Variants in ZC3H12B observed in about 807,000 individuals in gnomAD.
ZC3H12B encodes the protein probable ribonuclease ZC3H12B.
Under a neutral mutation model 43.9 loss-of-function variants are expected in ZC3H12B, and 7 were observed. The ratio of observed to expected loss-of-function variants is 0.16; its 90% CI spans 0.09 to 0.30. The LOEUF (loss-of-function observed/expected upper bound fraction) is 0.30. ZC3H12B is among the 10% of genes least tolerant of loss of function. The pLI is 1.00. For synonymous variants in ZC3H12B, 222 were observed against 241.7 expected, an observed-to-expected ratio of 0.92 and a Z score of 0.76; for missense variants, 475 against 670.2, an observed-to-expected ratio of 0.71 and a Z score of 3.22.
the ZC3H12B span, among the ~76,000 whole-genome samples, chrX:65,344,009 A>G: frequency 3.6e-5 from 4 of 112,294 alleles, no homozygotes; most frequent in Admixed American, 9.4e-5. Context: ...TGATGTAAAA[A>G]ATAACTAGAA....
chrX:65,132,107 T>A, the ZC3H12B span, among the ~76,000 whole-genome samples: 1 of 110,405 alleles, frequency 9.1e-6, no homozygotes, highest in African/African-American at 3.3e-5. Context: ...ATGAGGGGTG[T>A]AGGGGAATAG....
intron 3 of ZC3H12B, among the ~76,000 whole-genome samples, chrX:65,419,241 C>T (rs778374682): frequency 4.5e-5 from 5 of 112,084 alleles, no homozygotes; most frequent in Admixed American, 9.4e-5. Flanking sequence ...ATTAGAACTG[C>T]CTCTATCTAG....
chrX:65,066,462 CCAT>C, the ZC3H12B span, among the ~76,000 whole-genome samples: 3 of 111,827 alleles, frequency 2.7e-5, no homozygotes, highest in African/African-American at 9.8e-5. Context: ...CTGGGTATCA[CCAT>C]CGAGGCTGTA....
chrX:65,072,119 C>T, the ZC3H12B span, among the ~76,000 whole-genome samples: 1 of 111,980 alleles, frequency 8.9e-6, no homozygotes, highest in South Asian at 3.7e-4. Context: ...TACGTAATCT[C>T]ATATTTCTCA....
chrX:65,171,570 G>A, the ZC3H12B span, among the ~76,000 whole-genome samples: 3 of 111,608 alleles, frequency 2.7e-5, no homozygotes, highest in African/African-American at 6.5e-5. Flanking sequence ...CTTCAAAGCT[G>A]TCAGGCAGGG....
At chrX:65,399,809 C>T (rs978533060) in intron 3 of ZC3H12B, among the ~76,000 whole-genome samples, 1 of 111,920 alleles carries the variant, frequency 8.9e-6, no homozygotes, top group Non-Finnish European at 1.9e-5. Flanking sequence ...TGGGTAAAGA[C>T]AATGTAATAC....
At chrX:65,245,522 C>G in the ZC3H12B span, among the ~76,000 whole-genome samples, 4 of 112,130 alleles carry the variant, frequency 3.6e-5, no homozygotes, top group African/African-American at 1.3e-4. Context: ...TCCTGGAAGG[C>G]AAGGTTGGGT....
chrX:65,403,172 G>C (rs1349130565), intron 3 of ZC3H12B, among the ~76,000 whole-genome samples: 1 of 112,287 alleles, frequency 8.9e-6, no homozygotes, highest in Admixed American at 9.4e-5. Flanking sequence ...GATCTAAAAA[G>C]TACAACTGGC....
At chrX:65,067,751 C>A in the ZC3H12B span, among the ~76,000 whole-genome samples, 1 of 107,424 alleles carries the variant, frequency 9.3e-6, no homozygotes, top group Non-Finnish European at 1.9e-5. Flanking sequence ...CTGCTCTGAT[C>A]TTCATTATTT....
chrX:65,264,731 A>C, the ZC3H12B span, among the ~76,000 whole-genome samples: 1 of 111,681 alleles, frequency 9.0e-6, no homozygotes, highest in African/African-American at 3.2e-5. Context: ...ATGATTAAAT[A>C]GTAAAAGCAA....
chrX:65,423,052 C>A (rs2067038693), intron 3 of ZC3H12B, among the ~76,000 whole-genome samples: 1 of 107,014 alleles, frequency 9.3e-6, no homozygotes, highest in Non-Finnish European at 1.9e-5. Flanking sequence ...CCTGCCTCAG[C>A]CTCCTGAGTA....
chrX:65,152,450 C>A, the ZC3H12B span, among the ~76,000 whole-genome samples: 1 of 110,997 alleles, frequency 9.0e-6, no homozygotes, highest in Non-Finnish European at 1.9e-5. Flanking sequence ...AGACAGAGAG[C>A]CAAATCATGA....
At chrX:65,437,627 T>A (rs779337632) in intron 3 of ZC3H12B, among the ~76,000 whole-genome samples, 24 of 112,278 alleles carry the variant, frequency 2.1e-4, no homozygotes, top group Non-Finnish European at 3.2e-4. Context: ...TTTGAGCTCC[T>A]TATATATTCT....
At chrX:65,117,541 C>A in the ZC3H12B span, among the ~76,000 whole-genome samples, 1 of 111,356 alleles carries the variant, frequency 9.0e-6, no homozygotes, top group Non-Finnish European at 1.9e-5. Context: ...AGTTTGTTTT[C>A]CTGAGCAGAA....
At chrX:65,224,332 G>A in the ZC3H12B span, among the ~76,000 whole-genome samples, 1 of 112,554 alleles carries the variant, frequency 8.9e-6, no homozygotes, top group African/African-American at 3.2e-5. Flanking sequence ...ACTATGAGTT[G>A]GGTACAGTCT....
chrX:65,271,067 T>C, the ZC3H12B span: 2 of 112,909 alleles, frequency 1.8e-5, no homozygotes, highest in African/African-American at 6.4e-5. Context: ...GAAAAGGTGA[T>C]ATGACCATTA....
At chrX:65,175,127 G>A in the ZC3H12B span, among the ~76,000 whole-genome samples, 3 of 111,365 alleles carry the variant, frequency 2.7e-5, no homozygotes, top group Non-Finnish European at 5.7e-5. Context: ...CCTTGGATGG[G>A]GGACAGAGGT....
At chrX:65,403,885 C>A (rs2066792306) in intron 3 of ZC3H12B, among the ~76,000 whole-genome samples, 1 of 111,185 alleles carries the variant, frequency 9.0e-6, no homozygotes, top group Non-Finnish European at 1.9e-5. Context: ...TCTGAAGGTA[C>A]AAAACTCATG....
chrX:65,354,293 C>T, the ZC3H12B span, among the ~76,000 whole-genome samples: 568 of 112,157 alleles, frequency 5.1e-3, 2 homozygotes, highest in African/African-American at 0.016. Context: ...TGTTCTGCAA[C>T]ATCTGCTGGT....
Sources: allele counts gnomAD v4.1 joint callset (sites outside exome capture counted in the v4.1 genomes callset), GRCh38; gene constraint gnomAD v4.1.1; transcripts MANE v1.5; gene names NCBI Gene and HGNC (gene_info 2026-07-23, HGNC 2026-07-21).